SRL: variants seen among roughly 807,000 people sequenced by gnomAD.
SRL encodes the protein sarcalumenin.
A neutral mutation model predicts 39.5 loss-of-function variants in SRL; 23 were observed. That is an observed-to-expected ratio of 0.58 (90% CI 0.42 to 0.82). The LOEUF is 0.82. Ranked by LOEUF, SRL falls within the 40% of genes least tolerant of loss-of-function variation. SRL has a pLI of 0.00. For synonymous variants in SRL, 272 were observed against 237.4 expected (o/e 1.15, Z -1.34); for missense variants, 592 against 607.8 (o/e 0.97, Z 0.27).
Position 4,190,423 on chromosome 16 carries a change from G to A in SRL, c.*1730C>T. ...TTGTTCCCAAGAGAAGCGGCTGGCT[G>A]TGTACAAAGGAGCCCCTCGAGGCAG... On this transcript the variant is annotated 3_prime_UTR_variant, in exon 6 of 6. Coordinates refer to ENST00000399609, the MANE Select transcript of SRL (RefSeq NM_001098814.2). The A allele has an allele frequency of 2.5e-6, 1 of 398,730 alleles. No homozygotes were observed. Among genetic ancestry groups the A allele is most frequent in the Non-Finnish European group, 4.4e-6 (1 of 226,174 alleles). The allele number at this position is 398,730 out of a possible 1,614,324, so 24.7% of individuals were successfully genotyped here.
intron 3 of SRL, among the ~76,000 whole-genome samples, chr16:4,202,946 G>T (rs1255516529): frequency 1.3e-5 from 2 of 152,170 alleles, no homozygotes; most frequent in Admixed American, 1.3e-4. Flanking sequence ...AAAGCATCGC[G>T]CTGTGCTGGT....
chr16:4,218,606 C>T (rs764912574), intron 1 of SRL, among the ~76,000 whole-genome samples: 3 of 152,228 alleles, frequency 2.0e-5, no homozygotes, highest in Non-Finnish European at 4.4e-5. Flanking sequence ...AAGAGCCTCA[C>T]ACACAGGCCC....
intron 1 of SRL, among the ~76,000 whole-genome samples, chr16:4,231,657 C>T (rs1172077322): frequency 2.0e-5 from 3 of 152,154 alleles, no homozygotes; most frequent in Non-Finnish European, 4.4e-5. Context: ...CAGGGGCTGT[C>T]TCCCCTCCTA....
intron 1 of SRL, among the ~76,000 whole-genome samples, chr16:4,215,136 G>A (rs2052442294): frequency 6.6e-6 from 1 of 152,226 alleles, no homozygotes; most frequent in South Asian, 2.1e-4. Flanking sequence ...GACCCGAGAA[G>A]AGAAATTCTG....
chr16:4,237,958 G>T (rs1176244113), intron 1 of SRL, among the ~76,000 whole-genome samples: 2 of 152,154 alleles, frequency 1.3e-5, no homozygotes, highest in Non-Finnish European at 2.9e-5. Context: ...TCAGCTACGT[G>T]CAAGGGAGAA....
chr16:4,208,148 C>G, intron 1 of SRL: 1 of 394,890 alleles, frequency 2.5e-6, no homozygotes, highest in South Asian at 1.9e-5. Flanking sequence ...AGGGTTGGCA[C>G]CGGCTCTGTT....
In SRL at chr16:4,195,739, T is replaced by C. The variant is rs762659194; in HGVS notation, c.424A>G (p.Lys142Glu). 1 of 1,613,940 alleles carries C rather than the reference T, an allele frequency of 6.2e-7. No homozygotes were observed. Among genetic ancestry groups the C allele is most frequent in the Admixed American group, 1.7e-5 (1 of 59,986 alleles). The change falls in exon 5 of 6, where the codon AAG becomes GAG. Residue 142 changes from lysine (K) to glutamate (E), a missense_variant. Lys to Glu is a moderately conservative substitution (Grantham distance 56). Transcript: ENST00000399609. The part of the protein sequence containing the change: ...SEFTVLMHGP[K>E]LKTIEGIVMA... ...ACGATGCCCTCGATGGTTTTCAGCTTAGGCCCATGCATGAGGACCGTGAAC... is the reference window on the plus strand; with the variant it reads ...ACGATGCCCTCGATGGTTTTCAGCTCAGGCCCATGCATGAGGACCGTGAAC...
intron 3 of SRL, among the ~76,000 whole-genome samples, chr16:4,200,409 A>AG (rs1485621128): frequency 3.9e-5 from 6 of 152,164 alleles, no homozygotes; most frequent in Admixed American, 3.9e-4. Flanking sequence ...TCCTCACAGC[A>AG]GGGGGCACCG....
At chr16:4,225,992 C>T (rs1003218787) in intron 1 of SRL, among the ~76,000 whole-genome samples, 3 of 152,116 alleles carry the variant, frequency 2.0e-5, no homozygotes, top group African/African-American at 7.2e-5. Flanking sequence ...CTCCTGCCCT[C>T]TGTGCTTGCT....
chr16:4,203,980 C>T (rs1308022562), intron 2 of SRL, among the ~76,000 whole-genome samples: 1 of 152,200 alleles, frequency 6.6e-6, no homozygotes, highest in African/African-American at 2.4e-5. Flanking sequence ...AGAGTTAGCT[C>T]CCTGCTGGGA....
chr16:4,204,580 T>C lies in SRL; in HGVS notation c.116A>G (p.Glu39Gly). The C allele has an allele frequency of 6.2e-7, 1 of 1,614,196 alleles. No individual in the cohort carries two copies. Among genetic ancestry groups the C allele is most frequent in the Non-Finnish European group, 8.5e-7 (1 of 1,180,036 alleles). The part of the protein sequence containing the change: ...EAPLRDRSHI[E>G]KTLMLNEDKP... ...GTCCTCATTCAGCATGAGGGTCTTC[T>C]CGATGTGGGAGCGGTCCCTCAATGG... Residue 39 changes from glutamate (E) to glycine (G), a missense_variant, in exon 2 of 6, where the codon GAG becomes GGG. Glu to Gly is a moderately conservative substitution (Grantham distance 98). Transcript: ENST00000399609.
chr16:4,195,401 T>G (rs940114717), intron 5 of SRL, 152 bp downstream of exon 5: 3 of 741,572 alleles, frequency 4.0e-6, no homozygotes, highest in African/African-American at 1.8e-5. Context: ...TTTCACTATG[T>G]TGCTCAGGCT....
intron 1 of SRL, among the ~76,000 whole-genome samples, chr16:4,212,512 C>T (rs115818684): frequency 0.022 from 3,352 of 152,290 alleles, 108 homozygotes; most frequent in African/African-American, 0.073. Flanking sequence ...ACCCTATTGG[C>T]CCTGGAGCAG....
At chr16:4,213,348 T>A (rs2052415865) in intron 1 of SRL, among the ~76,000 whole-genome samples, 1 of 150,844 alleles carries the variant, frequency 6.6e-6, no homozygotes, top group Non-Finnish European at 1.5e-5. Context: ...TCCATTATTT[T>A]CTCCAACGTC....
At position 4,197,783 on chromosome 16, in the gene SRL, C is replaced by A. The variant is rs1231672605; in HGVS notation, c.376+16G>T. ...CAACATTCAAATCCCAACAATCACACAAGAATATTGATTACCTGTATAGAG... is the reference window on the plus strand; with the variant it reads ...CAACATTCAAATCCCAACAATCACAAAAGAATATTGATTACCTGTATAGAG... On this transcript the variant is annotated intron_variant, in intron 4 of 5. Transcript: ENST00000399609. 1.3e-6 allele frequency: 2 copies of A among 1,518,062 alleles called. No homozygotes were observed. The allele number at this position is 1,518,062 out of a possible 1,614,324, so 94.0% of individuals were successfully genotyped here.
intron 3 of SRL, 85 bp from the exon 4 acceptor site, chr16:4,198,000 C>T (rs899571841): frequency 2.3e-5 from 21 of 898,700 alleles, no homozygotes; most frequent in Non-Finnish European, 3.5e-5. Flanking sequence ...AGCATCTCAC[C>T]GTCCATCCAA....
intron 1 of SRL, among the ~76,000 whole-genome samples, chr16:4,210,650 T>A (rs2052382349): frequency 6.6e-6 from 1 of 151,956 alleles, no homozygotes; most frequent in African/African-American, 2.4e-5. Flanking sequence ...GCTAAGTTAA[T>A]TTTTGTATTT....
intron 1 of SRL, among the ~76,000 whole-genome samples, chr16:4,224,634 C>T (rs2052567022): frequency 6.6e-6 from 1 of 151,994 alleles, no homozygotes; most frequent in South Asian, 2.1e-4. Flanking sequence ...TGGCTTGAGC[C>T]CAGGAGACGG....
intron 1 of SRL, among the ~76,000 whole-genome samples, chr16:4,219,342 C>G (rs2141053434): frequency 6.6e-6 from 1 of 152,358 alleles, no homozygotes; most frequent in East Asian, 1.9e-4. Flanking sequence ...TCCCTGGGAG[C>G]TGGGGCCCCT....
Sources: allele counts gnomAD v4.1 joint callset (sites outside exome capture counted in the v4.1 genomes callset), GRCh38; gene constraint gnomAD v4.1.1; transcripts MANE v1.5; gene names NCBI Gene and HGNC (gene_info 2026-07-23, HGNC 2026-07-21).